Variants in DAZL observed in about 807,000 individuals in gnomAD.
DAZL encodes the protein deleted in azoospermia like, also known as deleted in azoospermia-like.
A neutral mutation model predicts 45.0 loss-of-function variants in DAZL; 4 were observed. That is an observed-to-expected ratio of 0.09 (90% CI 0.04 to 0.20). The LOEUF is 0.20. DAZL is among the 10% of genes least tolerant of loss of function. The pLI, the probability that DAZL is intolerant of heterozygous loss-of-function variation, is 1.00. For missense variants in DAZL, 326 were observed against 351.3 expected (o/e 0.93, Z 0.58); for synonymous variants, 122 against 112.4 (o/e 1.09, Z -0.54).
At chr3:16,598,223 A>G in intron 2 of DAZL, 45 bp from the exon 3 acceptor site, 2 of 1,523,920 alleles carry the variant, frequency 1.3e-6, no homozygotes, top group Non-Finnish European at 1.8e-6. Flanking sequence ...TCAGCATTCA[A>G]AAATTTTAAT....
At chr3:16,596,003 CT>C (rs1233820883) in intron 6 of DAZL, among the ~76,000 whole-genome samples, 11 of 148,150 alleles carry the variant, frequency 7.4e-5, no homozygotes, top group South Asian at 2.1e-4. Context: ...ACAAGTAGGG[CT>C]TTTTTTTTTC....
intron 7 of DAZL, among the ~76,000 whole-genome samples, chr3:16,594,970 T>A (rs1263014300): frequency 2.0e-5 from 3 of 152,120 alleles, no homozygotes; most frequent in Non-Finnish European, 4.4e-5. Context: ...AAGAATTGGA[T>A]AATTTTATTT....
Position 16,594,379 on chromosome 3 carries a change from G to A in DAZL, c.621+154C>T, listed in dbSNP as rs1478420883. 2.0e-5 allele frequency among the ~76,000 whole-genome samples: 3 copies of A among 151,542 alleles called. No individual in the cohort carries two copies. In the East Asian group the frequency reaches 5.8e-4, roughly 29 times the overall value. On this transcript the variant is annotated intron_variant, in intron 8 of 10. Coordinates refer to ENST00000399444, the MANE Select transcript of DAZL (RefSeq NM_001351.4). ...TGCTCCCATGGGAGTTTCTAACTGG[G>A]TTAAAAAGAAAGTAACAAAATGTAA...
At position 16,596,861 on chromosome 3, in the gene DAZL, C is replaced by A; in HGVS notation, c.387G>T (p.Leu129Phe). 6.2e-7 allele frequency: 1 copy of A among 1,613,804 alleles called. No individual in the cohort carries two copies. Among genetic ancestry groups the A allele is most frequent in the Non-Finnish European group, 8.5e-7 (1 of 1,179,764 alleles). The change falls in exon 6 of 11, where the codon TTG (leucine) becomes TTT (phenylalanine). Residue 129 changes from leucine (L) to phenylalanine (F), a missense_variant. Physicochemically the swap from Leu to Phe is conservative, Grantham distance 22. Transcript: ENST00000399444. ...LCAYHVQPRP[L>F]VFNHPPPPQF... ...GTGGTGGAGGAGGATGATTAAAAAC[C>A]AAAGGACGTGGCTGCACATGATAAG...
At chr3:16,604,686 CGAAGTT>C in intron 1 of DAZL, 1 of 1,358,332 alleles carries the variant, frequency 7.4e-7, no homozygotes, top group South Asian at 2.1e-5. Flanking sequence ...CTCCGGCCCT[CGAAGTT>C]TAAGAAGGCA....
chr3:16,595,889 A>G (rs1467619256), intron 6 of DAZL, among the ~76,000 whole-genome samples: 1 of 152,060 alleles, frequency 6.6e-6, no homozygotes, highest in Non-Finnish European at 1.5e-5. Flanking sequence ...GAAACAGTAT[A>G]ATGTCTTATA....
chr3:16,587,019 T>C lies in DAZL; in HGVS notation c.*1641A>G, dbSNP rs956171593. 1.1e-4 allele frequency: 16 copies of C among 152,256 alleles called. No individual in the cohort carries two copies. The highest frequency in any genetic ancestry group is 2.2e-4 in the African/African-American group (9 of 41,556). 9.4% of individuals were successfully genotyped at this position (152,256 alleles called of 1,614,324 possible). ...TAATTAGAAGTAGCTCTTTAGAATA[T>C]AGATATCATTTATAGTAAGCTGGAG... On this transcript the variant is annotated 3_prime_UTR_variant, in exon 11 of 11. Coordinates refer to ENST00000399444, the MANE Select transcript of DAZL (RefSeq NM_001351.4).
At chr3:16,589,444 G>C (rs1694485605) in intron 10 of DAZL, among the ~76,000 whole-genome samples, 1 of 152,098 alleles carries the variant, frequency 6.6e-6, no homozygotes, top group African/African-American at 2.4e-5. Context: ...TACCTAATCT[G>C]TCAAAAGAGT....
At position 16,592,924 on chromosome 3, in the gene DAZL, T is replaced by C. The variant is rs528048850; in HGVS notation, c.735+731A>G. On this transcript the variant is annotated intron_variant, in intron 9 of 10. Coordinates refer to ENST00000399444, the MANE Select transcript of DAZL (RefSeq NM_001351.4). The stretch of plus-strand genomic sequence containing the variant: ...GAGAACATATGTGATTCAAGAGTGA[T>C]AGTATTATTATGGAAATTTGCTCTA... Among the ~76,000 whole-genome samples the C allele has an allele frequency of 9.2e-5, 14 of 152,296 alleles. No individual in the cohort carries two copies. In the East Asian group the frequency reaches 2.5e-3, roughly 27 times the overall value.
Position 16,596,980 on chromosome 3 carries a change from G to A in DAZL, c.358+8C>T, listed in dbSNP as rs1694610001. The A allele has an allele frequency of 6.2e-7, 1 of 1,612,588 alleles. No individual in the cohort carries two copies. Among genetic ancestry groups the A allele is most frequent in the Non-Finnish European group, 8.5e-7 (1 of 1,179,090 alleles). On this transcript the variant is annotated splice_region_variant and intron_variant, in intron 5 of 10. Transcript: ENST00000399444. The stretch of plus-strand genomic sequence containing the variant: ...TGTTTAAAAAGAACAATTTCTTTTT[G>A]TACTCACATAAATTTTGTTTCCTGA...
At chr3:16,605,091 C>T in intron 1 of DAZL, 112 bp downstream of exon 1, 2 of 1,392,278 alleles carry the variant, frequency 1.4e-6, no homozygotes, top group African/African-American at 1.4e-5. Context: ...GGCAGGTGCC[C>T]CCCAAACAGG....
At chr3:16,597,622 C>G (rs1367413232) in intron 3 of DAZL, 81 bp from the exon 4 acceptor site, 1 of 867,340 alleles carries the variant, frequency 1.2e-6, no homozygotes, top group Non-Finnish European at 2.0e-6. Context: ...CGGAAGTGAT[C>G]ATGACTAAAA....
At chr3:16,598,221 CA>C (rs1694630273) in intron 2 of DAZL, 43 bp from the exon 3 acceptor site, 1 of 1,526,670 alleles carries the variant, frequency 6.6e-7, no homozygotes, top group Non-Finnish European at 9.0e-7. Flanking sequence ...ATTCAGCATT[CA>C]AAAATTTTAA....
chr3:16,605,318 G>T lies in DAZL; in HGVS notation c.-113C>A. 1.5e-6 allele frequency: 2 copies of T among 1,314,524 alleles called. No individual in the cohort carries two copies. Among genetic ancestry groups the T allele is most frequent in the Non-Finnish European group, 2.2e-6 (2 of 907,592 alleles). 81.4% of individuals were successfully genotyped at this position (1,314,524 alleles called of 1,614,324 possible). A position where few individuals can be genotyped will look rare whatever the true frequency, so the allele number is the denominator to read the frequency against. On this transcript the variant is annotated 5_prime_UTR_variant, in exon 1 of 11. Transcript: ENST00000399444. ...GCTGGAACCCGCTGCGCGGCTTCGA[G>T]TGGTCAAAGGAGCCAAAGATGAAGA...
At chr3:16,589,384 C>T (rs563832898) in intron 10 of DAZL, among the ~76,000 whole-genome samples, 73 of 152,248 alleles carry the variant, frequency 4.8e-4, no homozygotes, top group African/African-American at 1.7e-3. Context: ...GTGCCCTTTT[C>T]CTAGGACCTC....
At position 16,605,359 on chromosome 3, in the gene DAZL, G is replaced by A. The variant is rs1694763444; in HGVS notation, c.-154C>T. ...AAGATGAAGAGAAAAGGAAAACCAA[G>A]AGCGGGTGACAAGGCTGAGGAGCCC... On this transcript the variant is annotated 5_prime_UTR_variant, in exon 1 of 11. Coordinates refer to ENST00000399444, the MANE Select transcript of DAZL (RefSeq NM_001351.4). 2.1e-6 allele frequency: 2 copies of A among 943,152 alleles called. No individual in the cohort carries two copies. The highest frequency in any genetic ancestry group is 5.0e-5 in the East Asian group (2 of 40,020). 58.4% of individuals were successfully genotyped at this position (943,152 alleles called of 1,614,324 possible).
At chr3:16,604,490 A>T in intron 1 of DAZL, 1 of 1,524,190 alleles carries the variant, frequency 6.6e-7, no homozygotes, top group Non-Finnish European at 8.8e-7. Context: ...CCGCCACACG[A>T]GGGAGCCGCC....
rs1694569293 is a variant in DAZL, at chr3:16,594,593, A to T, written c.571-10T>A. ...GCCACTGTGGTGGCATCTTAAAAAA[A>T]AAAAAAAGGAAACCAAAATTATTCA... On this transcript the variant is annotated splice_polypyrimidine_tract_variant and intron_variant, in intron 7 of 10. Coordinates refer to ENST00000399444, the MANE Select transcript of DAZL (RefSeq NM_001351.4). 1 of 1,563,250 alleles carries T rather than the reference A, an allele frequency of 6.4e-7. No individual in the cohort carries two copies. Among genetic ancestry groups the T allele is most frequent in the African/African-American group, 1.4e-5 (1 of 72,208 alleles).
At chr3:16,589,777 T>G (rs1261887829) in intron 10 of DAZL, among the ~76,000 whole-genome samples, 1 of 152,040 alleles carries the variant, frequency 6.6e-6, no homozygotes, top group Non-Finnish European at 1.5e-5. Context: ...CAAAACTCCT[T>G]CTGGGCTGGG....
Sources: gnomAD v4.1 joint callset for allele counts (sites outside exome capture counted in the v4.1 genomes callset) on GRCh38, gnomAD v4.1.1 for gene constraint, MANE v1.5 for transcripts, NCBI Gene and HGNC (gene_info 2026-07-23, HGNC 2026-07-21) for gene names.